Variants in NCR1 observed in about 807,000 individuals in gnomAD.
The protein encoded by NCR1 is natural cytotoxicity triggering receptor 1.
A neutral mutation model predicts 32.5 loss-of-function variants in NCR1; 30 were observed. That is an observed-to-expected ratio of 0.92 (90% CI 0.69 to 1.25). NCR1 has a LOEUF of 1.25. Ranked by LOEUF, NCR1 falls within the 50% of genes most tolerant of loss-of-function variation. NCR1 has a pLI of 0.00. For missense variants in NCR1, 369 were observed against 380.7 expected, an observed-to-expected ratio of 0.97 and a Z score of 0.26; for synonymous variants, 169 against 143.4, an observed-to-expected ratio of 1.18 and a Z score of -1.28.
At chr19:54,909,635 T>C in intron 4 of NCR1, 112 bp downstream of exon 4, 1 of 1,342,972 alleles carries the variant, frequency 7.4e-7, no homozygotes, top group Non-Finnish European at 1.0e-6. Context: ...ACTTCCTGGG[T>C]GCCTGGTTGG....
At chr19:54,909,933 T>TAA (rs2067872379) in intron 4 of NCR1, 85 bp from the exon 5 acceptor site, 1 of 482,064 alleles carries the variant, frequency 2.1e-6, no homozygotes, top group Non-Finnish European at 3.1e-6. Flanking sequence ...AGACTCCATC[T>TAA]CAAAAAAAAA....
At chr19:54,904,611 C>A (rs978791998), upstream of NCR1, among the ~76,000 whole-genome samples, 1 of 150,320 alleles carries the variant, frequency 6.7e-6, no homozygotes, top group Admixed American at 6.7e-5. Flanking sequence ...CGGCTCACTG[C>A]AACCTTCACC....
At chr19:54,933,512 C>G in the NCR1 span, 2 of 1,590,160 alleles carry the variant, frequency 1.3e-6, no homozygotes, top group Admixed American at 3.3e-5. Flanking sequence ...CAAGTACTTT[C>G]ATGTCTCTCC....
chr19:54,933,270 C>G, the NCR1 span, among the ~76,000 whole-genome samples: 2 of 152,064 alleles, frequency 1.3e-5, no homozygotes, highest in Non-Finnish European at 1.5e-5. Flanking sequence ...CTCATCCTCC[C>G]AAGTAGCTGG....
upstream of NCR1, among the ~76,000 whole-genome samples, chr19:54,903,453 CATAT>C (rs757808532): frequency 2.1e-3 from 220 of 106,856 alleles, 3 homozygotes; most frequent in Non-Finnish European, 3.3e-3. Flanking sequence ...TATGTATATA[CATAT>C]ATGTATGTAT....
At chr19:54,917,055 C>T (rs753674422), downstream of NCR1, among the ~76,000 whole-genome samples, 8 of 151,944 alleles carry the variant, frequency 5.3e-5, no homozygotes, top group South Asian at 4.2e-4. Context: ...CATTATTGCT[C>T]CCCCACAGTT....
chr19:54,906,893 C>A, intron 3 of NCR1, 86 bp downstream of exon 3: 1 of 1,473,378 alleles, frequency 6.8e-7, no homozygotes, highest in Non-Finnish European at 9.3e-7. Context: ...AAGCCCCACT[C>A]AGACACTGCT....
chr19:54,920,425 G>GC (rs34122132), downstream of NCR1, among the ~76,000 whole-genome samples: 1 of 152,132 alleles, frequency 6.6e-6, no homozygotes, highest in Admixed American at 6.6e-5. Flanking sequence ...TCATGTACAA[G>GC]CCCTACCCCA....
chr19:54,912,184 C>G lies in NCR1; in HGVS notation c.699C>G (p.Thr233=), dbSNP rs1465846044. Residue 233 remains threonine, a synonymous_variant, in exon 6 of 7, where the codon ACC becomes ACG. Transcript: ENST00000291890. ...TATCATCAGCAGACACTTGGGGCACCTACCTTTTAACCACAGAGACGGGAC... is the reference window on the plus strand; with the variant it reads ...TATCATCAGCAGACACTTGGGGCACGTACCTTTTAACCACAGAGACGGGAC... ...DPTFPADTWG[T]YLLTTETGLQ... 1 of 1,613,968 alleles carries G rather than the reference C, an allele frequency of 6.2e-7. No individual in the cohort carries two copies. Among genetic ancestry groups the G allele is most frequent in the Non-Finnish European group, 8.5e-7 (1 of 1,179,908 alleles).
At chr19:54,910,729 G>C (rs1225840942) in intron 5 of NCR1, among the ~76,000 whole-genome samples, 1 of 152,164 alleles carries the variant, frequency 6.6e-6, no homozygotes, top group African/African-American at 2.4e-5. Context: ...CGTCAGGATA[G>C]CACACAGGAG....
upstream of NCR1, among the ~76,000 whole-genome samples, chr19:54,903,351 C>CAT (rs150625776): frequency 2.6e-5 from 3 of 117,346 alleles, no homozygotes; most frequent in South Asian, 4.8e-4. Context: ...TACATATATG[C>CAT]ATATATACAT....
the NCR1 span, among the ~76,000 whole-genome samples, chr19:54,929,290 T>G: frequency 2.0e-5 from 3 of 151,888 alleles, no homozygotes; most frequent in South Asian, 6.2e-4. Flanking sequence ...GCTTGAACCT[T>G]GGAGGCTGAG....
At chr19:54,926,173 G>A in the NCR1 span, among the ~76,000 whole-genome samples, 2 of 151,350 alleles carry the variant, frequency 1.3e-5, no homozygotes, top group Admixed American at 6.6e-5. Flanking sequence ...GACAGCTCTG[G>A]GAACTACCTA....
the NCR1 span, chr19:54,934,339 T>C: frequency 7.4e-6 from 6 of 812,198 alleles, no homozygotes; most frequent in African/African-American, 5.1e-5. This position sits in a 1 kb window ranked among gnomAD's most constrained non-coding sequence, Gnocchi z 6.7. Context: ...TCTGCTGAGA[T>C]TACAGGCAGG....
chr19:54,919,408 G>A, downstream of NCR1, among the ~76,000 whole-genome samples: 1 of 152,220 alleles, frequency 6.6e-6, no homozygotes, highest in East Asian at 1.9e-4. Flanking sequence ...CTGGACAGGG[G>A]GCCCTTCCCT....
chr19:54,903,325 T>C (rs1471345004), upstream of NCR1, among the ~76,000 whole-genome samples: 17 of 127,532 alleles, frequency 1.3e-4, 1 homozygote, highest in Non-Finnish European at 1.8e-4. Context: ...TACATGTATA[T>C]ATACATGTAT....
chr19:54,900,308 G>A, the NCR1 span, among the ~76,000 whole-genome samples: 2 of 152,094 alleles, frequency 1.3e-5, no homozygotes, highest in African/African-American at 2.4e-5. Context: ...ATAGGAGTGC[G>A]GCCGTTTTAT....
At chr19:54,935,262 C>T in the NCR1 span, among the ~76,000 whole-genome samples, 5,909 of 152,022 alleles carry the variant, frequency 0.039, 124 homozygotes, top group Non-Finnish European at 0.047. Flanking sequence ...CAGGATCTCG[C>T]TCTGTTGCCC....
the NCR1 span, among the ~76,000 whole-genome samples, chr19:54,901,122 T>G: frequency 2.3e-4 from 2 of 8,652 alleles, no homozygotes; most frequent in African/African-American, 8.4e-4. Context: ...ATCTCTACTT[T>G]GAAAAAAAAA....
Sources: allele counts gnomAD v4.1 joint callset (sites outside exome capture counted in the v4.1 genomes callset), GRCh38; gene constraint gnomAD v4.1.1; non-coding constraint Gnocchi (gnomAD v3.1); transcripts MANE v1.5; gene names NCBI Gene and HGNC (gene_info 2026-07-23, HGNC 2026-07-21).